SPATS2L: variants seen among roughly 807,000 people sequenced by gnomAD.
The protein encoded by SPATS2L is spermatogenesis associated serine rich 2 like.
Under a neutral mutation model 59.6 loss-of-function variants are expected in SPATS2L, and 30 were observed. The ratio of observed to expected loss-of-function variants is 0.50; its 90% CI spans 0.38 to 0.68. The LOEUF (loss-of-function observed/expected upper bound fraction) is 0.68, where lower values mean the gene tolerates loss of function less well. Ranked by LOEUF, SPATS2L falls within the 30% of genes least tolerant of loss-of-function variation. The probability of loss-of-function intolerance (pLI) is 0.00; values close to 1 mark genes in which losing one functional copy is unlikely to be tolerated. For missense variants in SPATS2L, 615 were observed against 700.0 expected (o/e 0.88, Z 1.37); for synonymous variants, 252 against 263.5 (o/e 0.96, Z 0.42).
At chr2:200,462,487 C>G (rs1231207803) in intron 9 of SPATS2L, among the ~76,000 whole-genome samples, 3 of 152,134 alleles carry the variant, frequency 2.0e-5, no homozygotes, top group Non-Finnish European at 4.4e-5. Flanking sequence ...TATGGCAGGT[C>G]CTGGTTTTTG....
intron 1 of SPATS2L, among the ~76,000 whole-genome samples, chr2:200,315,625 T>C (rs1277004402): frequency 2.0e-5 from 3 of 151,976 alleles, no homozygotes; most frequent in Admixed American, 6.6e-5. Flanking sequence ...ATGCACACCA[T>C]ACAGTCATAA....
At chr2:200,430,423 C>T (rs2083840010) in intron 6 of SPATS2L, among the ~76,000 whole-genome samples, 2 of 151,116 alleles carry the variant, frequency 1.3e-5, no homozygotes, top group South Asian at 4.2e-4. Flanking sequence ...TTTGAAAATT[C>T]AGTAAGGTTT....
intron 12 of SPATS2L, among the ~76,000 whole-genome samples, chr2:200,477,378 C>T (rs1216788483): frequency 6.6e-6 from 1 of 152,030 alleles, no homozygotes; most frequent in Non-Finnish European, 1.5e-5. Context: ...TTTGAATTGT[C>T]TGTCTTACAC....
At chr2:200,311,856 A>C (rs1464476406) in intron 1 of SPATS2L, among the ~76,000 whole-genome samples, 1 of 152,184 alleles carries the variant, frequency 6.6e-6, no homozygotes, top group Admixed American at 6.5e-5. Context: ...GAATCTTCTT[A>C]GAATGACAGT....
At chr2:200,331,498 A>C (rs977947116) in intron 2 of SPATS2L, among the ~76,000 whole-genome samples, 10 of 152,218 alleles carry the variant, frequency 6.6e-5, no homozygotes, top group Non-Finnish European at 1.3e-4. Flanking sequence ...GTTGTTATCA[A>C]AATAACAATA....
chr2:200,336,313 T>C (rs551979065), intron 2 of SPATS2L, among the ~76,000 whole-genome samples: 3 of 152,224 alleles, frequency 2.0e-5, no homozygotes, highest in Non-Finnish European at 4.4e-5. Flanking sequence ...CTTGAGATAT[T>C]ATGATTAGAA....
rs2084523126 is a variant in SPATS2L at position 200,439,278 on chromosome 2, C to A, written c.602C>A (p.Thr201Asn). Residue 201 changes from threonine (T) to asparagine (N), a missense_variant, in exon 7 of 13, where the codon ACC (threonine) becomes AAC (asparagine). By Grantham distance (65) the Thr-to-Asn change is moderately conservative. This residue lies in a region of SPATS2L where 227 missense variants were observed against 257.4 expected (regional missense o/e 0.88). Coordinates refer to ENST00000409140, the MANE Select transcript of SPATS2L (RefSeq NM_001100423.2). ...KAKTSPVKSN[T>N]PAAHLEIKPD... Reference sequence around the variant, plus strand: ...AAAACATCTCCTGTTAAGTCCAATACCCCTGCAGCTCATCTTGAAATAAAG... The same window carrying A: ...AAAACATCTCCTGTTAAGTCCAATAACCCTGCAGCTCATCTTGAAATAAAG... 2.5e-6 allele frequency: 4 copies of A among 1,613,718 alleles called. No individual in the cohort carries two copies. Among genetic ancestry groups the A allele is most frequent in the South Asian group, 1.1e-5 (1 of 91,088 alleles).
At chr2:200,445,983 A>G (rs1395738577) in intron 8 of SPATS2L, among the ~76,000 whole-genome samples, 2 of 152,204 alleles carry the variant, frequency 1.3e-5, no homozygotes, top group Non-Finnish European at 2.9e-5. Flanking sequence ...AAAAACTCTT[A>G]GAGCTTTATA....
rs568853751 is a variant in SPATS2L, at chr2:200,371,257, A to G, written c.-22-17966A>G. 1.2e-4 allele frequency among the ~76,000 whole-genome samples: 18 copies of G among 152,334 alleles called. 1 individual carries two copies. In the South Asian group the frequency reaches 3.5e-3, roughly 30 times the overall value. On this transcript the variant is annotated intron_variant, in intron 2 of 12. Transcript: ENST00000409140. ...CCACAAATTAATTTAGGAATGTATT[A>G]TATAAAGTTCTTTCCAACTCTGACA...
chr2:200,332,712 G>T (rs1338073153), intron 2 of SPATS2L, among the ~76,000 whole-genome samples: 14 of 145,020 alleles, frequency 9.7e-5, no homozygotes, highest in Non-Finnish European at 1.7e-4. Context: ...ATTGCCCAAA[G>T]AATGAATTAC....
At chr2:200,450,639 A>G (rs908504505) in intron 8 of SPATS2L, among the ~76,000 whole-genome samples, 2 of 152,226 alleles carry the variant, frequency 1.3e-5, no homozygotes, top group African/African-American at 4.8e-5. Context: ...ATTTCCAGAT[A>G]TTCTGATTCT....
At chr2:200,377,169 T>C (rs1415259617) in intron 2 of SPATS2L, among the ~76,000 whole-genome samples, 1 of 152,214 alleles carries the variant, frequency 6.6e-6, no homozygotes. Flanking sequence ...TAGTTACTAT[T>C]ATTATCCCTA....
intron 3 of SPATS2L, among the ~76,000 whole-genome samples, chr2:200,400,594 A>T (rs970664160): frequency 6.6e-6 from 1 of 152,220 alleles, no homozygotes; most frequent in Non-Finnish European, 1.5e-5. Context: ...GATTTAAAAT[A>T]CTTTAGTTCA....
chr2:200,417,808 A>C (rs923290940), intron 5 of SPATS2L, among the ~76,000 whole-genome samples: 16 of 152,142 alleles, frequency 1.1e-4, no homozygotes, highest in African/African-American at 3.6e-4. Flanking sequence ...TTCTTTTGTA[A>C]ATGTGTTGAA....
chr2:200,478,087 G>A lies in SPATS2L; in HGVS notation c.*56G>A. On this transcript the variant is annotated 3_prime_UTR_variant, in exon 13 of 13. Transcript: ENST00000409140. ...GTTTTGGTTCCCTGCCCGAGGTGCT[G>A]ACCCAATTCGCTGCCAAAAGAGTGT... 2.0e-6 allele frequency: 3 copies of A among 1,479,922 alleles called. No individual in the cohort carries two copies. The highest frequency in any genetic ancestry group is 2.7e-6 in the Non-Finnish European group (3 of 1,110,390). The allele number at this position is 1,479,922 out of a possible 1,614,324, so 91.7% of individuals were successfully genotyped here. A position where few individuals can be genotyped will look rare whatever the true frequency, so the allele number is the denominator to read the frequency against.
chr2:200,472,944 A>T lies in SPATS2L; in HGVS notation c.1173A>T (p.Ser391=). The T allele has an allele frequency of 6.2e-7, 1 of 1,613,758 alleles. No homozygotes were observed. Among genetic ancestry groups the T allele is most frequent in the South Asian group, 1.1e-5 (1 of 91,066 alleles). The change falls in exon 12 of 13, where the codon TCA becomes TCT. Residue 391 remains serine (S), a synonymous_variant. Coordinates refer to ENST00000409140, the MANE Select transcript of SPATS2L (RefSeq NM_001100423.2). ...SGKQSNFSRK[S]STHNKPSEGK... is the part of the protein sequence containing the mutation. ...AACAGAGTAACTTTTCCCGAAAATCATCCACTCACAATAAGCCCTCTGAAG... is the reference window on the plus strand; with the variant it reads ...AACAGAGTAACTTTTCCCGAAAATCTTCCACTCACAATAAGCCCTCTGAAG...
chr2:200,404,294 A>C (rs2082622469), intron 3 of SPATS2L, among the ~76,000 whole-genome samples: 1 of 152,218 alleles, frequency 6.6e-6, no homozygotes, highest in Non-Finnish European at 1.5e-5. Context: ...AAGATAGGGG[A>C]ACCTGTCTGG....
At chr2:200,380,384 G>A (rs1009271604) in intron 2 of SPATS2L, among the ~76,000 whole-genome samples, 2 of 152,196 alleles carry the variant, frequency 1.3e-5, no homozygotes, top group Non-Finnish European at 2.9e-5. Flanking sequence ...AACAGTGTGC[G>A]CCACGCAGAT....
intron 6 of SPATS2L, among the ~76,000 whole-genome samples, chr2:200,420,101 A>G (rs1283122550): frequency 6.6e-6 from 1 of 152,132 alleles, no homozygotes; most frequent in Non-Finnish European, 1.5e-5. Flanking sequence ...AACATTAATT[A>G]TTTGTGCTAT....
Sources: gnomAD v4.1 joint callset for allele counts (sites outside exome capture counted in the v4.1 genomes callset) on GRCh38, gnomAD v4.1.1 for gene constraint, gnomAD v4.1.1 regional missense constraint, MANE v1.5 for transcripts, NCBI Gene and HGNC (gene_info 2026-07-23, HGNC 2026-07-21) for gene names.